TRDN: variants seen among roughly 807,000 people sequenced by gnomAD.
TRDN encodes triadin in skeletal muscle.
A neutral mutation model predicts 149.7 loss-of-function variants in TRDN; 161 were observed. That is an observed-to-expected ratio of 1.08 (90% CI 0.95 to 1.23). TRDN has a LOEUF of 1.23. Among genes scored for constraint, TRDN ranks in the 50% most tolerant of loss-of-function variants. The pLI is 0.00. For missense variants in TRDN, 896 were observed against 823.5 expected (o/e 1.09, Z -1.08); for synonymous variants, 294 against 250.5 (o/e 1.17, Z -1.64).
intron 12 of TRDN, among the ~76,000 whole-genome samples, chr6:123,410,221 AATG>A (rs1361046938): frequency 6.6e-6 from 1 of 152,182 alleles, no homozygotes; most frequent in Non-Finnish European, 1.5e-5. Flanking sequence ...AGACTAGAGT[AATG>A]ATGACCTGAA....
At chr6:123,492,731 A>C in intron 9 of TRDN, among the ~76,000 whole-genome samples, 1 of 152,156 alleles carries the variant, frequency 6.6e-6, no homozygotes, top group East Asian at 1.9e-4. Context: ...CATCCGTACT[A>C]TCAATTTCCA....
At chr6:123,587,178 A>C (rs1191816274) in intron 1 of TRDN, among the ~76,000 whole-genome samples, 1 of 152,062 alleles carries the variant, frequency 6.6e-6, no homozygotes, top group Non-Finnish European at 1.5e-5. Flanking sequence ...AGGATGAAGG[A>C]CCAAGGCAGG....
rs1247478985 is a variant in TRDN at position 123,218,587 on chromosome 6, T to C, written c.*14A>G. ...TAAAATCTTAAAGCACTTGTAAGGG[T>C]CATACATGTGTGTTTACTGTCCTTG... On this transcript the variant is annotated 3_prime_UTR_variant, in exon 41 of 41. Coordinates refer to ENST00000334268, the MANE Select transcript of TRDN (RefSeq NM_006073.4). 1.2e-6 allele frequency: 2 copies of C among 1,609,262 alleles called. No homozygotes were observed. The highest frequency in any genetic ancestry group is 1.7e-6 in the Non-Finnish European group (2 of 1,177,520).
At chr6:123,513,289 T>C (rs1779261333) in intron 6 of TRDN, among the ~76,000 whole-genome samples, 1 of 152,188 alleles carries the variant, frequency 6.6e-6, no homozygotes, top group African/African-American at 2.4e-5. Flanking sequence ...AGGACTACAT[T>C]ATAATAACAT....
intron 9 of TRDN, among the ~76,000 whole-genome samples, chr6:123,473,343 A>C (rs2114743321): frequency 6.6e-6 from 1 of 152,202 alleles, no homozygotes; most frequent in African/African-American, 2.4e-5. Context: ...AAAGGGTATC[A>C]GCAATGGAAG....
chr6:123,272,654 C>T (rs1777242253), intron 29 of TRDN, among the ~76,000 whole-genome samples: 1 of 151,832 alleles, frequency 6.6e-6, no homozygotes, highest in African/African-American at 2.4e-5. Flanking sequence ...GCTCAGAATG[C>T]CTTGCCCAAA....
chr6:123,255,773 A>G, intron 36 of TRDN, 94 bp downstream of exon 36: 1 of 806,250 alleles, frequency 1.2e-6, no homozygotes, highest in South Asian at 2.4e-5. Context: ...TACATTTAGA[A>G]AAGTTTTTTT....
rs546303898 is a variant in TRDN at position 123,552,972 on chromosome 6, A to C, written c.233-4360T>G. On this transcript the variant is annotated intron_variant, in intron 2 of 40. Transcript: ENST00000334268. ...TATTCAGTTAGTGGGAAAAAGGATA[A>C]AGTACTCTGTGCTTCCATTTGCTGA... 1.2e-4 allele frequency among the ~76,000 whole-genome samples: 19 copies of C among 152,288 alleles called. No individual in the cohort carries two copies. The South Asian group carries it at 3.7e-3, about 30-fold the overall frequency.
chr6:123,410,641 T>C (rs2114512004), intron 12 of TRDN, among the ~76,000 whole-genome samples: 1 of 152,224 alleles, frequency 6.6e-6, no homozygotes, highest in South Asian at 2.1e-4. Context: ...ATTAATTAAA[T>C]GTACAGTGAT....
intron 2 of TRDN, among the ~76,000 whole-genome samples, chr6:123,561,690 C>A (rs1562390467): frequency 6.6e-6 from 1 of 152,212 alleles, no homozygotes; most frequent in East Asian, 1.9e-4. Context: ...AAAACCGTAT[C>A]CAGGCCATCA....
intron 1 of TRDN, among the ~76,000 whole-genome samples, chr6:123,608,844 A>G (rs940423713): frequency 1.3e-5 from 2 of 151,902 alleles, no homozygotes; most frequent in Non-Finnish European, 2.9e-5. Flanking sequence ...GAGCAAAAAT[A>G]TGATCATTTC....
chr6:123,407,115 C>T (rs1250931342), intron 12 of TRDN, among the ~76,000 whole-genome samples: 1 of 151,988 alleles, frequency 6.6e-6, no homozygotes, highest in Non-Finnish European at 1.5e-5. Flanking sequence ...AAAAAAGACA[C>T]CATTGTTTTA....
chr6:123,408,542 G>C (rs530477860), intron 12 of TRDN, among the ~76,000 whole-genome samples: 4 of 151,972 alleles, frequency 2.6e-5, no homozygotes, highest in Non-Finnish European at 5.9e-5. Flanking sequence ...GCTGGGCAAG[G>C]TGGCGGGCAC....
At chr6:123,371,233 A>G (rs939754464) in intron 19 of TRDN, among the ~76,000 whole-genome samples, 6 of 152,192 alleles carry the variant, frequency 3.9e-5, no homozygotes, top group African/African-American at 1.4e-4. Flanking sequence ...ATATTTTAGA[A>G]CTGTATGAAA....
intron 12 of TRDN, among the ~76,000 whole-genome samples, chr6:123,422,502 C>T (rs75755768): frequency 0.023 from 3,459 of 152,116 alleles, 110 homozygotes; most frequent in East Asian, 0.079. Flanking sequence ...CATGATAATA[C>T]CCTTCATAAC....
At chr6:123,615,968 A>T (rs531173331) in intron 1 of TRDN, among the ~76,000 whole-genome samples, 1 of 152,326 alleles carries the variant, frequency 6.6e-6, no homozygotes, top group East Asian at 1.9e-4. Context: ...CCCTGATTTG[A>T]TCATTATACA....
intron 9 of TRDN, among the ~76,000 whole-genome samples, chr6:123,467,176 T>C (rs999747107): frequency 2.6e-5 from 4 of 151,834 alleles, no homozygotes; most frequent in African/African-American, 7.3e-5. Flanking sequence ...CATGATAGTG[T>C]GTTGAAGGAA....
At chr6:123,226,821 G>T (rs1332617228) in intron 38 of TRDN, among the ~76,000 whole-genome samples, 3 of 151,826 alleles carry the variant, frequency 2.0e-5, no homozygotes, top group Non-Finnish European at 4.4e-5. Context: ...GCAGTGAAAG[G>T]AGTGTCAAAA....
chr6:123,375,942 AG>A (rs1781485401), intron 18 of TRDN, among the ~76,000 whole-genome samples: 1 of 152,108 alleles, frequency 6.6e-6, no homozygotes, highest in South Asian at 2.1e-4. Context: ...TTTTATATAC[AG>A]GCAAATGCAT....
Sources: allele counts gnomAD v4.1 joint callset (sites outside exome capture counted in the v4.1 genomes callset), GRCh38; gene constraint gnomAD v4.1.1; transcripts MANE v1.5; gene names NCBI Gene and HGNC (gene_info 2026-07-23, HGNC 2026-07-21).